Variants in RBFOX1 observed in about 807,000 individuals in gnomAD.
The protein encoded by RBFOX1 is RNA binding protein fox-1 homolog 1.
Under a neutral mutation model 57.7 loss-of-function variants are expected in RBFOX1, and 8 were observed. That is an observed-to-expected ratio of 0.14 (90% CI 0.08 to 0.25). The LOEUF (loss-of-function observed/expected upper bound fraction) is 0.25, where lower values mean the gene tolerates loss of function less well. Ranked by LOEUF, RBFOX1 falls within the 10% of genes least tolerant of loss-of-function variation. The pLI is 1.00. For synonymous variants in RBFOX1, 326 were observed against 222.4 expected, an observed-to-expected ratio of 1.47 and a Z score of -4.15; for missense variants, 611 against 548.5, an observed-to-expected ratio of 1.11 and a Z score of -1.14.
intron 3 of RBFOX1, among the ~76,000 whole-genome samples, chr16:5,741,616 A>T (rs1008033202): frequency 6.6e-6 from 1 of 152,198 alleles, no homozygotes; most frequent in African/African-American, 2.4e-5. Context: ...TTATTTTTAT[A>T]TTTCTCTATA....
chr16:6,921,009 G>A (rs188010537), intron 3 of RBFOX1, among the ~76,000 whole-genome samples: 1 of 152,264 alleles, frequency 6.6e-6, no homozygotes, highest in East Asian at 1.9e-4. Context: ...TGTTTGACTG[G>A]AACACAGTAT....
chr16:7,369,608 T>C (rs1340686403), intron 4 of RBFOX1, among the ~76,000 whole-genome samples: 3 of 152,224 alleles, frequency 2.0e-5, no homozygotes, highest in Non-Finnish European at 2.9e-5. Context: ...ATTATCTCAA[T>C]ACTTTTGTCT....
At chr16:6,906,949 C>G (rs943472533) in intron 3 of RBFOX1, among the ~76,000 whole-genome samples, 11 of 152,212 alleles carry the variant, frequency 7.2e-5, no homozygotes, top group African/African-American at 2.6e-4. Flanking sequence ...GTCTTGAACT[C>G]CTGACCTTAA....
chr16:5,950,292 C>T (rs142105001), intron 4 of RBFOX1, among the ~76,000 whole-genome samples: 3 of 152,306 alleles, frequency 2.0e-5, no homozygotes, highest in African/African-American at 7.2e-5. Context: ...AGACTGAACA[C>T]CCAGGAAGCC....
chr16:6,101,708 G>A (rs779112655), intron 1 of RBFOX1, among the ~76,000 whole-genome samples: 1 of 152,142 alleles, frequency 6.6e-6, no homozygotes, highest in Non-Finnish European at 1.5e-5. Context: ...GATCACCTGA[G>A]GTCAGGAATT....
intron 4 of RBFOX1, among the ~76,000 whole-genome samples, chr16:5,925,646 G>A (rs575758285): frequency 6.6e-6 from 1 of 152,108 alleles, no homozygotes; most frequent in Admixed American, 6.6e-5. Context: ...TGAATTTTAT[G>A]TTATGTGTAT....
rs1042074475 is a variant in RBFOX1, at chr16:5,552,158, G to A, written c.259-46744G>A. Among the ~76,000 whole-genome samples the A allele has an allele frequency of 3.9e-5, 6 of 152,096 alleles. No individual in the cohort carries two copies. The East Asian group carries it at 7.7e-4, about 20-fold the overall frequency. On this transcript the variant is annotated intron_variant, in intron 2 of 2. Coordinates refer to the RBFOX1 transcript ENST00000585867. ...TACGTGGCCAGAACTTAACGCAAGC[G>A]AGCTCTCAGCATCAAAGGAGTGCAG...
intron 4 of RBFOX1, among the ~76,000 whole-genome samples, chr16:7,459,062 A>G (rs558059200): frequency 3.3e-5 from 5 of 152,210 alleles, no homozygotes; most frequent in African/African-American, 1.2e-4. Flanking sequence ...GATGAATGCA[A>G]TAGATGGATG....
At chr16:6,365,263 G>C (rs138278714) in intron 2 of RBFOX1, among the ~76,000 whole-genome samples, 1 of 151,976 alleles carries the variant, frequency 6.6e-6, no homozygotes, top group Non-Finnish European at 1.5e-5. Flanking sequence ...TGGATGGGGG[G>C]ATAGGTGGAT....
At chr16:5,523,087 A>C (rs955294320) in intron 2 of RBFOX1, among the ~76,000 whole-genome samples, 1 of 152,090 alleles carries the variant, frequency 6.6e-6, no homozygotes, top group African/African-American at 2.4e-5. Context: ...GGAGTTCGAG[A>C]CTAGCCTGGC....
chr16:6,966,761 GTCTATCTATCTATCTATCTA>G (rs57023399), intron 3 of RBFOX1, among the ~76,000 whole-genome samples: 8,058 of 149,148 alleles, frequency 0.054, 400 homozygotes, highest in Admixed American at 0.11. Context: ...CTGTCTGTCT[GTCTATCTATCTATCTATCTA>G]TCTATCTATC....
chr16:7,157,581 A>G (rs2077413251), intron 4 of RBFOX1, among the ~76,000 whole-genome samples: 1 of 152,150 alleles, frequency 6.6e-6, no homozygotes, highest in African/African-American at 2.4e-5. Flanking sequence ...ACGTGAAAAT[A>G]TCCGAATAGG....
At chr16:7,031,771 C>G (rs140914767) in intron 3 of RBFOX1, among the ~76,000 whole-genome samples, 2 of 152,298 alleles carry the variant, frequency 1.3e-5, no homozygotes, top group Admixed American at 6.5e-5. Flanking sequence ...GTTTTACCCA[C>G]TGCAGAGAAG....
intron 4 of RBFOX1, among the ~76,000 whole-genome samples, chr16:5,925,731 T>G (rs78802721): frequency 0.027 from 4,036 of 152,256 alleles, 183 homozygotes; most frequent in African/African-American, 0.091. Flanking sequence ...TGTACATAAT[T>G]GTATGTGTAA....
chr16:6,150,949 C>T (rs747846370), intron 1 of RBFOX1, among the ~76,000 whole-genome samples: 1 of 152,134 alleles, frequency 6.6e-6, no homozygotes, highest in Non-Finnish European at 1.5e-5. Context: ...TTGTGCTAGC[C>T]TCTTGGTATT....
rs149307814 is a variant in RBFOX1 at position 6,815,949 on chromosome 16, C to A, written c.-16+161299C>A. On this transcript the variant is annotated intron_variant, in intron 3 of 15. Transcript: ENST00000550418. ...CTTGAGAAGTAAGAAACTTGAAGAT[C>A]TTTAAGAGTATTAATATTAAGGTTG... 1.4e-4 allele frequency among the ~76,000 whole-genome samples: 21 copies of A among 152,270 alleles called. No homozygotes were observed. The Middle Eastern group carries it at 0.01, about 74-fold the overall frequency.
At chr16:6,111,565 C>T (rs753301098) in intron 1 of RBFOX1, among the ~76,000 whole-genome samples, 6 of 152,122 alleles carry the variant, frequency 3.9e-5, no homozygotes, top group Non-Finnish European at 7.4e-5. Flanking sequence ...AGTTACAGAG[C>T]AAAGCCCCAG....
intron 4 of RBFOX1, among the ~76,000 whole-genome samples, chr16:7,515,296 G>A (rs2152115727): frequency 6.6e-6 from 1 of 150,574 alleles, no homozygotes. Context: ...GACCCTTTTG[G>A]TTGTAAGTAA....
chr16:5,968,416 C>G (rs1237672184), intron 4 of RBFOX1, among the ~76,000 whole-genome samples: 22 of 152,108 alleles, frequency 1.4e-4, no homozygotes, highest in Non-Finnish European at 1.5e-5. Flanking sequence ...GGATTCTCTT[C>G]TCTGAGTTAC....
Sources: gnomAD v4.1 joint callset for allele counts (sites outside exome capture counted in the v4.1 genomes callset) on GRCh38, gnomAD v4.1.1 for gene constraint, MANE v1.5 for transcripts, NCBI Gene and HGNC (gene_info 2026-07-23, HGNC 2026-07-21) for gene names.